Variants in ESR2 observed in about 807,000 individuals in gnomAD.
The protein encoded by ESR2 is estrogen receptor beta.
ESR2 carries 36 observed loss-of-function variants against 49.6 expected under a neutral mutation model. The ratio of observed to expected loss-of-function variants is 0.73; its 90% CI spans 0.56 to 0.96. The LOEUF is 0.96. Among genes scored for constraint, ESR2 ranks in the 40% least tolerant of loss-of-function variants. The pLI, the probability that ESR2 is intolerant of heterozygous loss-of-function variation, is 0.00. For missense variants in ESR2, 714 were observed against 693.0 expected (o/e 1.03, Z -0.34); for synonymous variants, 320 against 266.1 (o/e 1.20, Z -1.97).
In ESR2 at chr14:64,268,819, A is replaced by G. The variant is rs747686242; in HGVS notation, c.628T>C (p.Tyr210His). 6.2e-7 allele frequency: 1 copy of G among 1,612,854 alleles called. No individual in the cohort carries two copies. Among genetic ancestry groups the G allele is most frequent in the Admixed American group, 1.7e-5 (1 of 60,014 alleles). The stretch of plus-strand genomic sequence containing the variant: ...CCACACTTCACCATTCCCACTTCGT[A>G]ACACTTCCGAAGTCGGCAGGCCTGG... Reference protein sequence around the residue: ...SCQACRLRKCYEVGMVKCGSR... With the variant: ...SCQACRLRKCHEVGMVKCGSR... Residue 210 changes from tyrosine to histidine, a missense_variant, in exon 4 of 9, where the codon TAC becomes CAC. Transcript: ENST00000341099.
Position 64,282,863 on chromosome 14 carries a change from A to G in ESR2, c.123T>C (p.His41=). 2 of 1,614,232 alleles carry G rather than the reference A, an allele frequency of 1.2e-6. No individual in the cohort carries two copies. The highest frequency in any genetic ancestry group is 1.7e-6 in the Non-Finnish European group (2 of 1,180,024). ...YIPSSYVDSH[H]EYPAMTFYSP... ...TATAGAATGTCATGGCTGGATATTC[A>G]TGGTGGCTGTCTACATAGGAGGAAG... Residue 41 remains histidine, a synonymous_variant, in exon 2 of 9, where the codon CAT becomes CAC. Coordinates refer to ENST00000341099, the MANE Select transcript of ESR2 (RefSeq NM_001437.3).
At chr14:64,260,903 A>G (rs1485767692) in intron 4 of ESR2, among the ~76,000 whole-genome samples, 155 bp from the exon 5 acceptor site, 2 of 152,162 alleles carry the variant, frequency 1.3e-5, no homozygotes, top group African/African-American at 2.4e-5. Flanking sequence ...ACTTTTCAGA[A>G]ACTTTTTAGG....
chr14:64,281,552 TG>T (rs996665576), intron 2 of ESR2, among the ~76,000 whole-genome samples: 73 of 152,260 alleles, frequency 4.8e-4, no homozygotes, highest in African/African-American at 1.6e-3. Flanking sequence ...AATGGTGCAA[TG>T]TTACTGTCTC....
chr14:64,264,161 G>A (rs2076275849), intron 4 of ESR2, among the ~76,000 whole-genome samples: 1 of 152,046 alleles, frequency 6.6e-6, no homozygotes, highest in Admixed American at 6.5e-5. Context: ...CAAAATGCTT[G>A]GTTTTATACA....
intron 3 of ESR2, among the ~76,000 whole-genome samples, chr14:64,274,529 G>A (rs934387466): frequency 1.2e-4 from 18 of 151,552 alleles, no homozygotes; most frequent in African/African-American, 4.4e-4. Flanking sequence ...AGATCTGTCA[G>A]GTTTATTTTC....
Position 64,314,861 on chromosome 14 carries a change from G to C in ESR2, c.-91+23037C>G, listed in dbSNP as rs1174837269. ...CTACTGCACTCTGGCCTGGGTAACA[G>C]AGCAAGACTCCGTCTCAAAAAAAAA... On this transcript the variant is annotated intron_variant, in intron 1 of 8. Coordinates refer to the ESR2 transcript ENST00000358599. Among the ~76,000 whole-genome samples, 5 of 106,182 alleles carry C rather than the reference G, an allele frequency of 4.7e-5. 1 individual carries two copies. The highest frequency in any genetic ancestry group is 8.9e-5 in the Non-Finnish European group (5 of 56,160). 69.7% of individuals were successfully genotyped at this position (106,182 alleles called of 152,430 possible). A position where few individuals can be genotyped will look rare whatever the true frequency, so the allele number is the denominator to read the frequency against.
rs2076081069 is a variant in ESR2, at chr14:64,255,495, GCT to G, written c.1091+1729_1091+1730del. ...AAAACATCTCTGTTCTGCAGAATGT[GCT>G]CTTTGTCAACATTGTCACCCATAAC... On this transcript the variant is annotated intron_variant, in intron 6 of 8. Transcript: ENST00000341099. 2.6e-5 allele frequency among the ~76,000 whole-genome samples: 4 copies of G among 152,118 alleles called. No individual in the cohort carries two copies. The South Asian group carries it at 8.3e-4, about 32-fold the overall frequency.
rs2098731379 is a variant in ESR2, at chr14:64,235,155, A to C, written c.1226-5T>G. On this transcript the variant is annotated splice_region_variant and splice_polypyrimidine_tract_variant and intron_variant, in intron 7 of 8. Transcript: ENST00000341099. ...CTGTGACCAGAGGGTACATACCTGG[A>C]CAAAGAATAAAAGCCAGAAGTCATT... is the stretch of plus-strand genomic sequence containing the variant. The C allele has an allele frequency of 1.2e-6, 2 of 1,609,514 alleles. No individual in the cohort carries two copies. The highest frequency in any genetic ancestry group is 1.7e-6 in the Non-Finnish European group (2 of 1,177,472).
intron 1 of ESR2, among the ~76,000 whole-genome samples, chr14:64,317,719 A>C (rs1384595097): frequency 6.6e-6 from 1 of 152,176 alleles, no homozygotes; most frequent in African/African-American, 2.4e-5. Flanking sequence ...TTCAAAAATC[A>C]ATGTAACTCA....
At chr14:64,281,842 C>T (rs1323506110) in intron 2 of ESR2, among the ~76,000 whole-genome samples, 1 of 152,168 alleles carries the variant, frequency 6.6e-6, no homozygotes, top group Admixed American at 6.5e-5. Flanking sequence ...TATTTTAGTT[C>T]ATGGTTAAAA....
intron 1 of ESR2, among the ~76,000 whole-genome samples, chr14:64,288,780 A>C (rs1216662410): frequency 6.6e-6 from 1 of 151,526 alleles, no homozygotes; most frequent in Non-Finnish European, 1.5e-5. Context: ...TGAAATCAGG[A>C]GTTCGGGACC....
chr14:64,271,901 T>G (rs932542201), intron 3 of ESR2, among the ~76,000 whole-genome samples: 1 of 152,244 alleles, frequency 6.6e-6, no homozygotes, highest in East Asian at 1.9e-4. Flanking sequence ...CTGATTTCCT[T>G]TCTTTTGGGT....
chr14:64,305,469 G>C (rs1048955739), intron 1 of ESR2, among the ~76,000 whole-genome samples: 2 of 151,460 alleles, frequency 1.3e-5, no homozygotes, highest in Non-Finnish European at 2.9e-5. Flanking sequence ...AGGAGATCGA[G>C]ACCATCCTGG....
At chr14:64,267,781 G>T (rs916528822) in intron 4 of ESR2, among the ~76,000 whole-genome samples, 7 of 151,822 alleles carry the variant, frequency 4.6e-5, no homozygotes, top group Admixed American at 4.6e-4. Flanking sequence ...CTACTTGGGA[G>T]GCTGAGGCAG....
At chr14:64,272,547 C>T (rs1166282056) in intron 3 of ESR2, among the ~76,000 whole-genome samples, 1 of 152,182 alleles carries the variant, frequency 6.6e-6, no homozygotes, top group African/African-American at 2.4e-5. Flanking sequence ...ATTTAAGTCA[C>T]TGATCCATCT....
At chr14:64,267,982 T>G (rs2076365663) in intron 4 of ESR2, among the ~76,000 whole-genome samples, 1 of 151,642 alleles carries the variant, frequency 6.6e-6, no homozygotes, top group Admixed American at 6.6e-5. Context: ...TAACCACAGG[T>G]AAAATACTGG....
chr14:64,283,012 C>T lies in ESR2; in HGVS notation c.-27G>A. 6.3e-7 allele frequency: 1 copy of T among 1,588,546 alleles called. No homozygotes were observed. The highest frequency in any genetic ancestry group is 8.6e-7 in the Non-Finnish European group (1 of 1,166,616). On this transcript the variant is annotated 5_prime_UTR_variant, in exon 2 of 9. In the 5' UTR this introduces an upstream ATG that the reference lacks. Coordinates refer to ENST00000341099, the MANE Select transcript of ESR2 (RefSeq NM_001437.3). ...TCTTGAGATAACAGCTGAGAAAACA[C>T]CTTGCAAGAAGAGGCACAAAGGTCA...
chr14:64,282,001 G>C (rs1299576608), intron 2 of ESR2, among the ~76,000 whole-genome samples: 1 of 152,106 alleles, frequency 6.6e-6, no homozygotes, highest in Non-Finnish European at 1.5e-5. Context: ...GAAACTGAAA[G>C]TAAAGTAAAA....
intron 4 of ESR2, among the ~76,000 whole-genome samples, chr14:64,261,239 C>CTTTTTTTTTTTT (rs58982771): frequency 3.9e-5 from 5 of 127,102 alleles, no homozygotes; most frequent in South Asian, 2.3e-4. Context: ...TTTCTTTTTT[C>CTTTTTTTTTTTT]TTTTTTTTTT....
Sources: gnomAD v4.1 joint callset for allele counts (sites outside exome capture counted in the v4.1 genomes callset) on GRCh38, gnomAD v4.1.1 for gene constraint, MANE v1.5 for transcripts, NCBI Gene and HGNC (gene_info 2026-07-23, HGNC 2026-07-21) for gene names.